The following NRG3 variants were observed in gnomAD, a reference collection of about 807,000 sequenced individuals.
NRG3 encodes the protein neuregulin 3, also known as pro-neuregulin-3, membrane-bound isoform.
NRG3 carries 31 observed loss-of-function variants against 66.9 expected under a neutral mutation model. The observed-to-expected ratio is 0.46, with a 90% CI of 0.35 to 0.63. The LOEUF (loss-of-function observed/expected upper bound fraction) is 0.63, where lower values mean the gene tolerates loss of function less well. NRG3 is among the 20% of genes least tolerant of loss of function. The pLI is 0.00. For missense variants in NRG3, 910 were observed against 878.9 expected (o/e 1.04, Z -0.45); for synonymous variants, 393 against 359.4 (o/e 1.09, Z -1.06).
intron 1 of NRG3, among the ~76,000 whole-genome samples, chr10:82,350,763 C>G (rs947380405): frequency 2.6e-5 from 4 of 152,142 alleles, no homozygotes; most frequent in East Asian, 1.9e-4. Context: ...GGAGCCTTCT[C>G]TGATGGCTTG....
Position 82,720,810 on chromosome 10 carries a change from C to CATATATATATATATATATAT in NRG3, c.954-17754_954-17735dup, listed in dbSNP as rs5786567. On this transcript the variant is annotated intron_variant, in intron 2 of 8. Transcript: ENST00000372141. ...AACACATATATAGGAGTATTTTATA[C>CATATATATATATATATATAT]ATATATATATATATATATATATATA... is the stretch of plus-strand genomic sequence containing the variant. Among the ~76,000 whole-genome samples, 371 of 114,644 alleles carry CATATATATATATATATATAT rather than the reference C, an allele frequency of 3.2e-3. 9 individuals carry two copies. The highest frequency in any genetic ancestry group is 8.9e-3 in the African/African-American group (202 of 22,800). The allele number at this position is 114,644 out of a possible 152,430, so 75.2% of individuals were successfully genotyped here. A position where few individuals can be genotyped will look rare whatever the true frequency, so the allele number is the denominator to read the frequency against.
chr10:82,436,542 G>T (rs538696243), intron 2 of NRG3, among the ~76,000 whole-genome samples: 5 of 152,100 alleles, frequency 3.3e-5, no homozygotes, highest in Admixed American at 1.3e-4. Flanking sequence ...TATATTTAAG[G>T]TTAGTACTGT....
chr10:82,421,871 T>A (rs118065289), intron 2 of NRG3, among the ~76,000 whole-genome samples: 7 of 152,170 alleles, frequency 4.6e-5, no homozygotes, highest in Non-Finnish European at 8.8e-5. Context: ...AAAAACCATG[T>A]AATACTGCCT....
chr10:82,169,616 T>C (rs2072397491), intron 1 of NRG3, among the ~76,000 whole-genome samples: 1 of 151,748 alleles, frequency 6.6e-6, no homozygotes, highest in Non-Finnish European at 1.5e-5. Context: ...TACAATTTGA[T>C]TTGTACTCTT....
At chr10:82,290,864 C>A in intron 1 of NRG3, among the ~76,000 whole-genome samples, 1 of 150,892 alleles carries the variant, frequency 6.6e-6, no homozygotes, top group African/African-American at 2.4e-5. Context: ...AGGATGGTCT[C>A]GATCTCCTGA....
intron 2 of NRG3, among the ~76,000 whole-genome samples, chr10:82,364,313 A>G (rs900966945): frequency 1.3e-5 from 2 of 152,162 alleles, no homozygotes; most frequent in African/African-American, 4.8e-5. Context: ...TTTTATAATA[A>G]TTCTTTTTCA....
intron 1 of NRG3, among the ~76,000 whole-genome samples, chr10:82,261,482 G>A (rs1275695486): frequency 6.6e-6 from 1 of 152,142 alleles, no homozygotes; most frequent in Admixed American, 6.5e-5. Context: ...GGGTCGTGGA[G>A]ACCTTAACCC....
chr10:82,877,701 C>G (rs1841963916), intron 4 of NRG3, among the ~76,000 whole-genome samples: 2 of 152,040 alleles, frequency 1.3e-5, no homozygotes, highest in Admixed American at 1.3e-4. Context: ...ATGGGACAGA[C>G]TTTTAAACCA....
intron 1 of NRG3, among the ~76,000 whole-genome samples, chr10:82,072,809 C>T (rs1455117232): frequency 6.6e-6 from 1 of 151,750 alleles, no homozygotes; most frequent in Non-Finnish European, 1.5e-5. Flanking sequence ...CTCCATGGCC[C>T]AAGCTGGAGT....
chr10:82,846,976 G>A (rs958913801), intron 3 of NRG3, among the ~76,000 whole-genome samples: 1 of 152,176 alleles, frequency 6.6e-6, no homozygotes, highest in Admixed American at 6.5e-5. Context: ...TTGTTTTTCT[G>A]AAGTTGTGGG....
intron 1 of NRG3, among the ~76,000 whole-genome samples, chr10:82,000,815 C>T (rs1370874834): frequency 6.6e-6 from 1 of 152,182 alleles, no homozygotes; most frequent in Non-Finnish European, 1.5e-5. Context: ...TACATTTCTG[C>T]TGCAAATCAT....
chr10:82,575,919 T>C (rs965050448), intron 2 of NRG3, among the ~76,000 whole-genome samples: 1 of 151,670 alleles, frequency 6.6e-6, no homozygotes, highest in Non-Finnish European at 1.5e-5. Flanking sequence ...AATAAATGAA[T>C]GGATTTCTGG....
At chr10:82,379,193 G>A (rs2085451365) in intron 2 of NRG3, among the ~76,000 whole-genome samples, 1 of 152,020 alleles carries the variant, frequency 6.6e-6, no homozygotes, top group Non-Finnish European at 1.5e-5. Context: ...GTGGCTTCCT[G>A]GCACCTGTGA....
chr10:82,959,431 G>T (rs1485239497), intron 6 of NRG3, among the ~76,000 whole-genome samples: 2 of 152,126 alleles, frequency 1.3e-5, no homozygotes, highest in Non-Finnish European at 2.9e-5. Context: ...GAAGTTCTAT[G>T]TAGGAAGAAA....
intron 2 of NRG3, among the ~76,000 whole-genome samples, chr10:82,473,547 T>C (rs1841473290): frequency 6.6e-6 from 1 of 152,054 alleles, no homozygotes; most frequent in Admixed American, 6.5e-5. Flanking sequence ...TTGGCAAAGG[T>C]ATACAGCAAC....
chr10:82,246,164 A>C (rs1404886495), intron 1 of NRG3, among the ~76,000 whole-genome samples: 3 of 152,002 alleles, frequency 2.0e-5, no homozygotes, highest in Admixed American at 6.6e-5. Flanking sequence ...TGGAGTCTAC[A>C]CTTATATGTA....
chr10:82,136,910 A>G (rs1014734571), intron 1 of NRG3, among the ~76,000 whole-genome samples: 3 of 152,134 alleles, frequency 2.0e-5, no homozygotes, highest in Non-Finnish European at 4.4e-5. Flanking sequence ...GATTCTTCAT[A>G]CCACGTGGCT....
chr10:82,088,248 C>G (rs2065836866), intron 1 of NRG3, among the ~76,000 whole-genome samples: 1 of 152,042 alleles, frequency 6.6e-6, no homozygotes, highest in East Asian at 1.9e-4. Flanking sequence ...TCTTTCATTT[C>G]TTTTTTTATT....
intron 8 of NRG3, 151 bp downstream of exon 8, chr10:82,979,271 A>T: frequency 2.7e-6 from 2 of 753,738 alleles, no homozygotes; most frequent in East Asian, 2.7e-5. Context: ...CAAAAGGTGA[A>T]CCAACTTTGA....
Sources: gnomAD v4.1 joint callset for allele counts (sites outside exome capture counted in the v4.1 genomes callset) on GRCh38, gnomAD v4.1.1 for gene constraint, MANE v1.5 for transcripts, NCBI Gene and HGNC (gene_info 2026-07-23, HGNC 2026-07-21) for gene names.